PRKCA: variants seen among roughly 807,000 people sequenced by gnomAD.
PRKCA encodes protein kinase C alpha, also known as protein kinase C alpha type.
PRKCA carries 27 observed loss-of-function variants against 87.0 expected under a neutral mutation model. That is an observed-to-expected ratio of 0.31 (90% CI 0.23 to 0.43). The LOEUF is 0.43. Among genes scored for constraint, PRKCA ranks in the 20% least tolerant of loss-of-function variants. The pLI is 1.00. For missense variants in PRKCA, 518 were observed against 852.3 expected (o/e 0.61, Z 4.88); for synonymous variants, 329 against 311.1 (o/e 1.06, Z -0.61).
intron 13 of PRKCA, among the ~76,000 whole-genome samples, chr17:66,750,198 C>T (rs933753214): frequency 2.6e-5 from 4 of 151,668 alleles, no homozygotes; most frequent in African/African-American, 4.8e-5. Flanking sequence ...TGAGATCAGC[C>T]GCTTCTGAAC....
chr17:66,809,569 A>T lies in PRKCA; in HGVS notation c.*5532A>T, dbSNP rs1033396321. The T allele has an allele frequency of 3.9e-5, 6 of 152,144 alleles. No homozygotes were observed. The highest frequency in any genetic ancestry group is 1.4e-4 in the African/African-American group (6 of 41,424). The allele number at this position is 152,144 out of a possible 1,614,324, so 9.4% of individuals were successfully genotyped here. On this transcript the variant is annotated 3_prime_UTR_variant, in exon 17 of 17. Transcript: ENST00000413366. ...ATTCCAATGCCCTGGAGCTTGTAGG[A>T]GGACTTAGCCTGGGTCAGCTGGAGC...
At chr17:66,443,564 TATGGTGAGTGAC>T (rs1294602589) in intron 2 of PRKCA, among the ~76,000 whole-genome samples, 1 of 152,140 alleles carries the variant, frequency 6.6e-6, no homozygotes, top group East Asian at 1.9e-4. Flanking sequence ...AAATGTCTGT[TATGGTGAGTGAC>T]ATGGTGGCAT....
chr17:66,514,961 AAAG>A (rs1226678114), intron 3 of PRKCA, among the ~76,000 whole-genome samples: 1 of 152,086 alleles, frequency 6.6e-6, no homozygotes, highest in Non-Finnish European at 1.5e-5. Context: ...GTTTTGTGAT[AAAG>A]AAGGGATGTG....
chr17:66,371,745 A>C (rs967628170), intron 2 of PRKCA, among the ~76,000 whole-genome samples: 6 of 152,194 alleles, frequency 3.9e-5, no homozygotes, highest in African/African-American at 1.4e-4. Flanking sequence ...TAGGTGATAC[A>C]TTAGAGCAGG....
At chr17:66,641,499 G>T (rs372116313) in intron 4 of PRKCA, 33 bp downstream of exon 4, 8 of 1,519,344 alleles carry the variant, frequency 5.3e-6, no homozygotes, top group African/African-American at 1.4e-5. Context: ...TTCATAGCGA[G>T]GCTCTGTAGC....
At chr17:66,645,266 T>A (rs1971420750) in intron 4 of PRKCA, 117 bp from the exon 5 acceptor site, 1 of 1,399,830 alleles carries the variant, frequency 7.1e-7, no homozygotes. Context: ...AAAAACATTA[T>A]AGCAAAGTAT....
intron 3 of PRKCA, among the ~76,000 whole-genome samples, chr17:66,516,763 T>C (rs1486046583): frequency 6.6e-6 from 1 of 152,182 alleles, no homozygotes; most frequent in Non-Finnish European, 1.5e-5. Flanking sequence ...CAGCATTTTA[T>C]ACAACCCTGA....
chr17:66,366,115 C>T (rs1908703598), intron 2 of PRKCA, among the ~76,000 whole-genome samples: 1 of 152,114 alleles, frequency 6.6e-6, no homozygotes, highest in Non-Finnish European at 1.5e-5. Context: ...ATGTGATCAG[C>T]TCTAAAAAGC....
intron 3 of PRKCA, among the ~76,000 whole-genome samples, chr17:66,604,487 G>A (rs2143603069): frequency 6.6e-6 from 1 of 152,322 alleles, no homozygotes; most frequent in South Asian, 2.1e-4. Context: ...TTGGTAGGTG[G>A]AAACCAAGTG....
chr17:66,550,315 G>C (rs958439721), intron 3 of PRKCA, among the ~76,000 whole-genome samples: 6 of 152,116 alleles, frequency 3.9e-5, no homozygotes, highest in African/African-American at 1.4e-4. Flanking sequence ...TGCACAGACT[G>C]TCCCTTGTCT....
chr17:66,781,285 G>A (rs1975203832), intron 14 of PRKCA, among the ~76,000 whole-genome samples: 1 of 152,086 alleles, frequency 6.6e-6, no homozygotes, highest in African/African-American at 2.4e-5. Context: ...CGGCCAATGA[G>A]ATCAGAGGGG....
In PRKCA at chr17:66,720,054, C is replaced by T. The variant is rs542816098; in HGVS notation, c.919-12634C>T. Among the ~76,000 whole-genome samples, 3 of 152,344 alleles carry T rather than the reference C, an allele frequency of 2.0e-5. No individual in the cohort carries two copies. The South Asian group carries it at 6.2e-4, about 32-fold the overall frequency. On this transcript the variant is annotated intron_variant, in intron 8 of 16. Coordinates refer to ENST00000413366, the MANE Select transcript of PRKCA (RefSeq NM_002737.3). ...GTGCCGGGGAACAAAACAGACGAGC[C>T]GTGCGTGCTCATCCCAGTGGCCGAA... is the stretch of plus-strand genomic sequence containing the variant.
At position 66,807,512 on chromosome 17, in the gene PRKCA, C is replaced by A. The variant is rs750171582; in HGVS notation, c.*3475C>A. 2 of 152,252 alleles carry A rather than the reference C, an allele frequency of 1.3e-5. No homozygotes were observed. Among genetic ancestry groups the A allele is most frequent in the Non-Finnish European group, 2.9e-5 (2 of 68,068 alleles). 9.4% of individuals were successfully genotyped at this position (152,252 alleles called of 1,614,324 possible). A position where few individuals can be genotyped will look rare whatever the true frequency, so the allele number is the denominator to read the frequency against. On this transcript the variant is annotated 3_prime_UTR_variant, in exon 17 of 17. Coordinates refer to ENST00000413366, the MANE Select transcript of PRKCA (RefSeq NM_002737.3). The surrounding 1 kb of genome is among the most constrained non-coding windows in gnomAD (Gnocchi z 4.3). ...ACTAATTCAAAAGGCAGATCAGAAA[C>A]CACAGGAGTCAAAATTATTGCTCCG...
At chr17:66,317,005 G>A (rs868549463) in intron 2 of PRKCA, among the ~76,000 whole-genome samples, 4 of 152,028 alleles carry the variant, frequency 2.6e-5, no homozygotes, top group African/African-American at 9.7e-5. Context: ...AGCTGGGCGC[G>A]GTGGCGGGCG....
At chr17:66,357,828 A>G (rs1360200827) in intron 2 of PRKCA, among the ~76,000 whole-genome samples, 1 of 152,202 alleles carries the variant, frequency 6.6e-6, no homozygotes, top group Admixed American at 6.5e-5. Flanking sequence ...ATAGGAACAC[A>G]GACTCATACT....
intron 3 of PRKCA, among the ~76,000 whole-genome samples, chr17:66,591,414 C>G (rs1969801459): frequency 6.6e-6 from 1 of 152,008 alleles, no homozygotes; most frequent in East Asian, 1.9e-4. Context: ...CCACTTTGGT[C>G]TCCCAGGGTG....
intron 3 of PRKCA, 118 bp downstream of exon 3, chr17:66,496,401 A>G: frequency 1.2e-6 from 1 of 811,480 alleles, no homozygotes; most frequent in Non-Finnish European, 2.0e-6. Flanking sequence ...CTCAATTCTC[A>G]TAGAGCGTTG....
At chr17:66,566,479 GGTTTTTTTTTTTT>G (rs921864444) in intron 3 of PRKCA, among the ~76,000 whole-genome samples, 6 of 74,704 alleles carry the variant, frequency 8.0e-5, no homozygotes, top group African/African-American at 1.9e-4. Flanking sequence ...GTTGTTTTTT[GGTTTTTTTTTTTT>G]TTTTTTTTTT....
chr17:66,720,353 G>A (rs185540443), intron 8 of PRKCA, among the ~76,000 whole-genome samples: 42 of 152,306 alleles, frequency 2.8e-4, no homozygotes, highest in Non-Finnish European at 5.3e-4. Flanking sequence ...TACTCTAACT[G>A]TGCTACCCAG....
Sources: allele counts gnomAD v4.1 joint callset (sites outside exome capture counted in the v4.1 genomes callset), GRCh38; gene constraint gnomAD v4.1.1; non-coding constraint Gnocchi (gnomAD v3.1); transcripts MANE v1.5; gene names NCBI Gene and HGNC (gene_info 2026-07-23, HGNC 2026-07-21).